NSMAF: variants seen among roughly 807,000 people sequenced by gnomAD.
NSMAF encodes neutral sphingomyelinase activation associated factor.
Under a neutral mutation model 134.9 loss-of-function variants are expected in NSMAF, and 90 were observed. That is an observed-to-expected ratio of 0.67 (90% confidence interval 0.56 to 0.79). The LOEUF (loss-of-function observed/expected upper bound fraction) is 0.79, where lower values mean the gene tolerates loss of function less well. NSMAF is among the 30% of genes least tolerant of loss of function. NSMAF has a pLI of 0.00. For synonymous variants in NSMAF, 358 were observed against 389.6 expected (o/e 0.92, Z 0.96); for missense variants, 1,010 against 1,119.0 (o/e 0.90, Z 1.39).
chr8:58,623,615 AGAT>A lies in NSMAF; in HGVS notation c.456+91_456+93del. On this transcript the variant is annotated intron_variant, in intron 7 of 30. Coordinates refer to ENST00000038176, the MANE Select transcript of NSMAF (RefSeq NM_003580.4). ...TCAATCTGCTACATATTTAGAAAAC[AGAT>A]GATGATTTGGGTAAGGTATATAAAT... 5 of 1,171,460 alleles carry A rather than the reference AGAT, an allele frequency of 4.3e-6. No individual in the cohort carries two copies. In the Admixed American group the frequency reaches 1.0e-4, roughly 24 times the overall value. The allele number at this position is 1,171,460 out of a possible 1,614,324, so 72.6% of individuals were successfully genotyped here. A position where few individuals can be genotyped will look rare whatever the true frequency, so the allele number is the denominator to read the frequency against.
intron 1 of NSMAF, among the ~76,000 whole-genome samples, chr8:58,658,178 G>A (rs1203312880): frequency 2.6e-5 from 4 of 152,082 alleles, no homozygotes; most frequent in African/African-American, 9.7e-5. Flanking sequence ...GCACCAACAA[G>A]TCTTAATATT....
At chr8:58,622,285 G>T (rs1382506332) in intron 9 of NSMAF, among the ~76,000 whole-genome samples, 1 of 152,082 alleles carries the variant, frequency 6.6e-6, no homozygotes, top group African/African-American at 2.4e-5. Context: ...TCTGTCTGGA[G>T]TACAGAGGCA....
intron 9 of NSMAF, among the ~76,000 whole-genome samples, chr8:58,621,995 T>C (rs1412839656): frequency 1.3e-5 from 2 of 152,240 alleles, no homozygotes; most frequent in African/African-American, 2.4e-5. Flanking sequence ...TTGTCAATTT[T>C]TGTTTTTGCT....
chr8:58,612,569 G>A (rs1276656421), intron 9 of NSMAF, among the ~76,000 whole-genome samples: 1 of 152,126 alleles, frequency 6.6e-6, no homozygotes, highest in Non-Finnish European at 1.5e-5. Flanking sequence ...TGTGTTGTGG[G>A]AATCTCTGAT....
At chr8:58,637,467 T>C in intron 2 of NSMAF, 1 of 452,886 alleles carries the variant, frequency 2.2e-6, no homozygotes, top group Non-Finnish European at 4.4e-6. Context: ...TTACCACTAC[T>C]ATTCAACATA....
intron 14 of NSMAF, 135 bp from the exon 15 acceptor site, chr8:58,601,670 G>A: frequency 7.8e-7 from 1 of 1,279,272 alleles, no homozygotes. Flanking sequence ...ATAAGAAAAG[G>A]AGAAGATAAG....
intron 11 of NSMAF, among the ~76,000 whole-genome samples, chr8:58,607,429 T>C (rs1350507984): frequency 6.6e-6 from 1 of 152,218 alleles, no homozygotes; most frequent in East Asian, 1.9e-4. Flanking sequence ...CTGCTATGAA[T>C]GGTGGAGGCA....
intron 5 of NSMAF, among the ~76,000 whole-genome samples, chr8:58,633,474 C>A (rs1397187977): frequency 6.6e-6 from 1 of 152,246 alleles, no homozygotes; most frequent in African/African-American, 2.4e-5. Context: ...CATTTTCTAT[C>A]CTTCTGTCTT....
intron 1 of NSMAF, among the ~76,000 whole-genome samples, chr8:58,655,462 T>C (rs576275795): frequency 6.7e-6 from 1 of 150,102 alleles, no homozygotes; most frequent in Non-Finnish European, 1.5e-5. Context: ...TGCAGTGGTA[T>C]GACCATAGCT....
chr8:58,642,902 C>G, intron 2 of NSMAF, 82 bp downstream of exon 2: 1 of 1,002,144 alleles, frequency 1.0e-6, no homozygotes, highest in Non-Finnish European at 1.6e-6. Flanking sequence ...TTAGTTAACA[C>G]CTATATGATC....
At position 58,602,070 on chromosome 8, in the gene NSMAF, C is replaced by T; in HGVS notation, c.1113G>A (p.Leu371=). ...TAAGTCCACATACCAGTAGTCTCTC[C>T]AGCCGTTCCTTATTTAGGGCCCCTA... is the stretch of plus-strand genomic sequence containing the variant. ...KPVGALNKER[L]ERLLTRYQEM... is the part of the protein sequence containing the mutation. Residue 371 remains leucine (L), a synonymous_variant, in exon 14 of 31, where the codon CTG becomes CTA. Coordinates refer to ENST00000038176, the MANE Select transcript of NSMAF (RefSeq NM_003580.4). 1 of 1,613,358 alleles carries T rather than the reference C, an allele frequency of 6.2e-7. No homozygotes were observed. The highest frequency in any genetic ancestry group is 8.5e-7 in the Non-Finnish European group (1 of 1,179,384).
intron 12 of NSMAF, among the ~76,000 whole-genome samples, 197 bp downstream of exon 12, chr8:58,605,730 A>T (rs2129141790): frequency 6.6e-6 from 1 of 152,146 alleles, no homozygotes; most frequent in African/African-American, 2.4e-5. Context: ...TACAAAAAAA[A>T]TTAGCCTGGC....
intron 12 of NSMAF, among the ~76,000 whole-genome samples, 169 bp downstream of exon 12, chr8:58,605,758 T>A (rs892442043): frequency 6.6e-6 from 1 of 151,692 alleles, no homozygotes; most frequent in Non-Finnish European, 1.5e-5. Flanking sequence ...CGGGCACCTG[T>A]AGTCCCAGCT....
chr8:58,605,095 TA>T (rs1449370499), intron 12 of NSMAF, among the ~76,000 whole-genome samples: 3 of 152,204 alleles, frequency 2.0e-5, no homozygotes, highest in African/African-American at 7.2e-5. Flanking sequence ...AGCAACTTTG[TA>T]AACTAGAATA....
At chr8:58,602,386 A>T (rs955130104) in intron 13 of NSMAF, among the ~76,000 whole-genome samples, 7 of 152,140 alleles carry the variant, frequency 4.6e-5, no homozygotes, top group Admixed American at 1.3e-4. Flanking sequence ...TAATTTTTTT[A>T]AAAAAGTTTC....
In NSMAF at chr8:58,654,389, A is replaced by G. The variant is rs1056799557; in HGVS notation, c.59+5184T>C. Among the ~76,000 whole-genome samples, 10 of 152,310 alleles carry G rather than the reference A, an allele frequency of 6.6e-5. No homozygotes were observed. The East Asian group carries it at 1.9e-3, about 29-fold the overall frequency. On this transcript the variant is annotated intron_variant, in intron 1 of 30. Coordinates refer to ENST00000038176, the MANE Select transcript of NSMAF (RefSeq NM_003580.4). ...AACATGGAGAAACCCCATCTCTACT[A>G]AAAACACAAAATCAGCCAGGCATGG...
At position 58,599,313 on chromosome 8, in the gene NSMAF, C is replaced by T; in HGVS notation, c.1504G>A (p.Val502Met). Residue 502 changes from valine to methionine, a missense_variant, in exon 19 of 31, where the codon GTG (valine) becomes ATG (methionine). Physicochemically the swap from Val to Met is conservative, Grantham distance 21. Coordinates refer to ENST00000038176, the MANE Select transcript of NSMAF (RefSeq NM_003580.4). ...KSKDALESNY[V>M]SEHLHEWIDL... ...ATCCACTCGTGAAGGTGTTCAGACA[C>T]ATAATTGCTTTCCAATGCATCTTTG... is the stretch of plus-strand genomic sequence containing the variant. 2 of 1,614,040 alleles carry T rather than the reference C, an allele frequency of 1.2e-6. No individual in the cohort carries two copies. Among genetic ancestry groups the T allele is most frequent in the Non-Finnish European group, 1.7e-6 (2 of 1,179,938 alleles).
chr8:58,616,208 TAAC>T (rs1806650116), intron 9 of NSMAF, among the ~76,000 whole-genome samples: 1 of 151,970 alleles, frequency 6.6e-6, no homozygotes, highest in Non-Finnish European at 1.5e-5. Context: ...AAGGAAGAAA[TAAC>T]AACAATCCTA....
chr8:58,621,664 A>G (rs1806791050), intron 9 of NSMAF, among the ~76,000 whole-genome samples: 1 of 152,218 alleles, frequency 6.6e-6, no homozygotes, highest in African/African-American at 2.4e-5. Flanking sequence ...AATTTTTAAA[A>G]TAATAGCCAT....
Sources: gnomAD v4.1 joint callset for allele counts (sites outside exome capture counted in the v4.1 genomes callset) on GRCh38, gnomAD v4.1.1 for gene constraint, MANE v1.5 for transcripts, NCBI Gene and HGNC (gene_info 2026-07-23, HGNC 2026-07-21) for gene names.